Variants in FNDC3B observed in about 807,000 individuals in gnomAD.
The protein encoded by FNDC3B is fibronectin type III domain-containing protein 3B.
In FNDC3B, 12 loss-of-function variants were observed where a neutral mutation model predicts 151.5. The ratio of observed to expected loss-of-function variants is 0.08; its 90% CI spans 0.05 to 0.13. The LOEUF is 0.13. Among genes scored for constraint, FNDC3B ranks in the 10% least tolerant of loss-of-function variants. The pLI, the probability that FNDC3B is intolerant of heterozygous loss-of-function variation, is 1.00. For missense variants in FNDC3B, 1,214 were observed against 1,505.3 expected (o/e 0.81, Z 3.20); for synonymous variants, 528 against 549.0 (o/e 0.96, Z 0.54).
chr3:172,354,349 C>T (rs985932435), intron 22 of FNDC3B, among the ~76,000 whole-genome samples: 2 of 151,748 alleles, frequency 1.3e-5, no homozygotes, highest in Admixed American at 6.6e-5. Context: ...AATAATAGTA[C>T]ATTTTATATT....
At chr3:172,291,880 A>T (rs981599155) in intron 7 of FNDC3B, among the ~76,000 whole-genome samples, 7 of 152,166 alleles carry the variant, frequency 4.6e-5, no homozygotes, top group African/African-American at 1.7e-4. Context: ...TGCAATGTGA[A>T]GGTCATATAT....
At chr3:172,041,640 G>A (rs1716081071) in intron 1 of FNDC3B, among the ~76,000 whole-genome samples, 2 of 152,034 alleles carry the variant, frequency 1.3e-5, no homozygotes, top group South Asian at 4.2e-4. Context: ...GAGGCCTCAG[G>A]CCTTGGGCAA....
At chr3:172,236,675 C>G (rs937067339) in intron 4 of FNDC3B, among the ~76,000 whole-genome samples, 6 of 152,098 alleles carry the variant, frequency 3.9e-5, no homozygotes, top group Admixed American at 3.3e-4. Flanking sequence ...TTCCTCTTTG[C>G]CCATGGGATT....
chr3:172,365,829 A>G (rs769162500), intron 23 of FNDC3B, among the ~76,000 whole-genome samples: 14 of 152,248 alleles, frequency 9.2e-5, no homozygotes, highest in Non-Finnish European at 1.6e-4. Context: ...AACAGAAGAA[A>G]AATGAAAATT....
At chr3:172,041,786 G>A (rs1167229112) in intron 1 of FNDC3B, among the ~76,000 whole-genome samples, 1 of 152,044 alleles carries the variant, frequency 6.6e-6, no homozygotes, top group Non-Finnish European at 1.5e-5. Flanking sequence ...CCTTTTGTGG[G>A]GGCCCTTGGT....
intron 3 of FNDC3B, among the ~76,000 whole-genome samples, chr3:172,157,388 ATG>A (rs1400864817): frequency 6.6e-6 from 1 of 152,124 alleles, no homozygotes; most frequent in East Asian, 1.9e-4. Flanking sequence ...GTTTTGCCTC[ATG>A]GTAACATCTT....
At chr3:172,299,816 C>G (rs1294268719) in intron 9 of FNDC3B, among the ~76,000 whole-genome samples, 1 of 152,002 alleles carries the variant, frequency 6.6e-6, no homozygotes, top group Non-Finnish European at 1.5e-5. Context: ...GAGTGTGAGT[C>G]TGGTTCTGCC....
Position 172,379,336 on chromosome 3 carries a change from G to A in FNDC3B, c.3175+900G>A, listed in dbSNP as rs557011384. On this transcript the variant is annotated intron_variant, in intron 24 of 25. Coordinates refer to ENST00000415807, the MANE Select transcript of FNDC3B (RefSeq NM_022763.4). ...ATAACCCTAAGGCTGACAGATAGCA[G>A]GGTAAGTACAACCTGCACAAGAGAT... Among the ~76,000 whole-genome samples, 7 of 152,354 alleles carry A rather than the reference G, an allele frequency of 4.6e-5. No individual in the cohort carries two copies. In the South Asian group the frequency reaches 1.2e-3, roughly 27 times the overall value.
intron 7 of FNDC3B, among the ~76,000 whole-genome samples, chr3:172,293,249 A>G (rs146726819): frequency 2.0e-4 from 30 of 152,264 alleles, no homozygotes; most frequent in African/African-American, 7.0e-4. Flanking sequence ...TTAAAAGCTA[A>G]GTCCCAGGGG....
At chr3:172,194,375 T>TG (rs2108678693) in intron 3 of FNDC3B, among the ~76,000 whole-genome samples, 1 of 152,308 alleles carries the variant, frequency 6.6e-6, no homozygotes, top group Non-Finnish European at 1.5e-5. Flanking sequence ...ATTCTTGTCG[T>TG]TGATGGATGA....
chr3:172,283,061 A>G (rs1729822402), intron 6 of FNDC3B, among the ~76,000 whole-genome samples: 1 of 152,238 alleles, frequency 6.6e-6, no homozygotes, highest in Non-Finnish European at 1.5e-5. Flanking sequence ...GTGATGATGC[A>G]TAGATGAGCA....
intron 2 of FNDC3B, among the ~76,000 whole-genome samples, chr3:172,122,442 A>G (rs1190550682): frequency 6.6e-6 from 1 of 152,258 alleles, no homozygotes; most frequent in African/African-American, 2.4e-5. Flanking sequence ...GGCCAGAACT[A>G]GATGCCTCTT....
chr3:172,175,649 T>C (rs1213054252), intron 3 of FNDC3B, among the ~76,000 whole-genome samples: 3 of 152,210 alleles, frequency 2.0e-5, no homozygotes, highest in African/African-American at 7.2e-5. Flanking sequence ...GATTCTGCCC[T>C]TAAAGGGGTT....
chr3:172,148,642 G>C (rs1344428726), intron 3 of FNDC3B: 1 of 152,106 alleles, frequency 6.6e-6, no homozygotes, highest in Non-Finnish European at 1.5e-5. Flanking sequence ...CGTGGACAGA[G>C]ACTATTGTAG....
intron 25 of FNDC3B, among the ~76,000 whole-genome samples, chr3:172,388,852 G>A (rs925952552): frequency 2.0e-5 from 3 of 152,196 alleles, no homozygotes; most frequent in Non-Finnish European, 2.9e-5. Context: ...GGAAAGTACA[G>A]TCAAGTAGCA....
At chr3:172,186,359 G>C (rs371357364) in intron 3 of FNDC3B, among the ~76,000 whole-genome samples, 2 of 152,156 alleles carry the variant, frequency 1.3e-5, no homozygotes, top group African/African-American at 4.8e-5. Context: ...GTTTGAGCAT[G>C]TTCCTCTAAA....
At chr3:172,378,507 C>A in intron 24 of FNDC3B, 71 bp downstream of exon 24, 1 of 1,336,386 alleles carries the variant, frequency 7.5e-7, no homozygotes, top group Non-Finnish European at 1.0e-6. Context: ...TAGAAAGAAG[C>A]TCTTTTCTGA....
At chr3:172,382,308 T>C (rs969963420) in intron 25 of FNDC3B, among the ~76,000 whole-genome samples, 1 of 152,226 alleles carries the variant, frequency 6.6e-6, no homozygotes, top group Non-Finnish European at 1.5e-5. Context: ...CACCCACTTT[T>C]TGATGGGGTG....
At chr3:172,249,900 A>G (rs1366224766) in intron 5 of FNDC3B, among the ~76,000 whole-genome samples, 1 of 152,196 alleles carries the variant, frequency 6.6e-6, no homozygotes, top group Non-Finnish European at 1.5e-5. Flanking sequence ...TAAATTATGC[A>G]GGGTAACCAT....
Sources: gnomAD v4.1 joint callset for allele counts (sites outside exome capture counted in the v4.1 genomes callset) on GRCh38, gnomAD v4.1.1 for gene constraint, MANE v1.5 for transcripts, NCBI Gene and HGNC (gene_info 2026-07-23, HGNC 2026-07-21) for gene names.